SEC61B: variants seen among roughly 807,000 people sequenced by gnomAD.
SEC61B encodes SEC61 translocon subunit beta.
SEC61B carries 7 observed loss-of-function variants against 12.6 expected under a neutral mutation model. The ratio of observed to expected loss-of-function variants is 0.55; its 90% confidence interval spans 0.32 to 1.04. The LOEUF (loss-of-function observed/expected upper bound fraction) is 1.04, where lower values mean the gene tolerates loss of function less well. Ranked by LOEUF, SEC61B falls within the 50% of genes least tolerant of loss-of-function variation. The pLI, the probability that SEC61B is intolerant of heterozygous loss-of-function variation, is 0.05. For missense variants in SEC61B, 107 were observed against 130.1 expected (o/e 0.82, Z 0.86); for synonymous variants, 54 against 50.1 (o/e 1.08, Z -0.33).
chr9:99,230,426 T>A lies in SEC61B; in HGVS notation c.*2T>A. ...TGGGGCAAGTACACTCGTTCGTAGA[T>A]TCAGTTACATCCATCTGTCATCTGA... On this transcript the variant is annotated 3_prime_UTR_variant, in exon 4 of 4. Coordinates refer to ENST00000223641, the MANE Select transcript of SEC61B (RefSeq NM_006808.3). 6.3e-7 allele frequency: 1 copy of A among 1,585,580 alleles called. No individual in the cohort carries two copies. The highest frequency in any genetic ancestry group is 1.1e-5 in the South Asian group (1 of 89,642).
chr9:99,222,408 C>T (rs370460307), intron 1 of SEC61B, 42 bp downstream of exon 1: 81 of 1,613,940 alleles, frequency 5.0e-5, no homozygotes, highest in Middle Eastern at 1.7e-4. Context: ...CCCAGAAGCC[C>T]TGACTCCTCC....
chr9:99,226,834 A>T (rs1828902443), intron 2 of SEC61B, among the ~76,000 whole-genome samples: 1 of 152,182 alleles, frequency 6.6e-6, no homozygotes, highest in African/African-American at 2.4e-5. Context: ...TCTGTCTGCC[A>T]GGGCTGCGTG....
intron 1 of SEC61B, 27 bp from the exon 2 acceptor site, chr9:99,222,519 C>T (rs757666499): frequency 1.9e-6 from 3 of 1,601,152 alleles, no homozygotes; most frequent in East Asian, 2.2e-5. Context: ...CGCGCTCACC[C>T]GTCTGTCTGC....
At position 99,228,012 on chromosome 9, in the gene SEC61B, G is replaced by A. The variant is rs1165165305; in HGVS notation, c.203+12G>A. The A allele has an allele frequency of 5.6e-6, 9 of 1,601,320 alleles. No individual in the cohort carries two copies. In the African/African-American group the frequency reaches 1.1e-4, roughly 19 times the overall value. ...CCTGGGCTCAAAGTGTAAGTCTTAG[G>A]AACAGTCCTTGTGTTTCTGTCCAGT... On this transcript the variant is annotated intron_variant, in intron 3 of 3. Coordinates refer to ENST00000223641, the MANE Select transcript of SEC61B (RefSeq NM_006808.3).
At chr9:99,227,843 A>G (rs1828916927) in intron 2 of SEC61B, 56 bp from the exon 3 acceptor site, 1 of 1,253,018 alleles carries the variant, frequency 8.0e-7, no homozygotes, top group Non-Finnish European at 1.2e-6. Flanking sequence ...ATATGTTATA[A>G]TGCTATTCTA....
chr9:99,230,321 C>T lies in SEC61B; in HGVS notation c.204-16C>T. 1.3e-6 allele frequency: 2 copies of T among 1,528,344 alleles called. No individual in the cohort carries two copies. Among genetic ancestry groups the T allele is most frequent in the Non-Finnish European group, 1.8e-6 (2 of 1,109,800 alleles). The allele number at this position is 1,528,344 out of a possible 1,614,324, so 94.7% of individuals were successfully genotyped here. ...TTATTACTAAAAGTAAGCATGCTTT[C>T]TCTTCTTATTTCTAGTGGCCCTGTT... On this transcript the variant is annotated splice_polypyrimidine_tract_variant and intron_variant, in intron 3 of 3. Coordinates refer to ENST00000223641, the MANE Select transcript of SEC61B (RefSeq NM_006808.3).
chr9:99,223,332 C>CAAA (rs530132509), intron 2 of SEC61B, among the ~76,000 whole-genome samples: 3 of 128,972 alleles, frequency 2.3e-5, no homozygotes, highest in East Asian at 2.1e-4. Flanking sequence ...AACAAACAAA[C>CAAA]AAAAAAAAAA....
In SEC61B at chr9:99,230,261, T is replaced by C. The variant is rs532292752; in HGVS notation, c.204-76T>C. On this transcript the variant is annotated intron_variant, in intron 3 of 3. Transcript: ENST00000223641. ...GCCCACCTTACCTCTACTTTTCCCCTAGGCAATCTTTAGTATTGCAGATCT... is the reference window on the plus strand; with the variant it reads ...GCCCACCTTACCTCTACTTTTCCCCCAGGCAATCTTTAGTATTGCAGATCT... 5.7e-6 allele frequency: 5 copies of C among 883,612 alleles called. No homozygotes were observed. The South Asian group carries it at 8.3e-5, about 15-fold the overall frequency. The allele number at this position is 883,612 out of a possible 1,614,324, so 54.7% of individuals were successfully genotyped here.
At chr9:99,228,925 T>C (rs1484151956) in intron 3 of SEC61B, among the ~76,000 whole-genome samples, 6 of 152,148 alleles carry the variant, frequency 3.9e-5, no homozygotes, top group African/African-American at 2.4e-5. Flanking sequence ...TCTTTGCATA[T>C]TGTCCATCTA....
In SEC61B at chr9:99,227,713, C is replaced by T. The variant is rs554043503; in HGVS notation, c.102-186C>T. ...TCAGGGTTATTGTATGCATTGGCAT[C>T]AGGTAGGCACTTAGTTCATTGTGGT... On this transcript the variant is annotated intron_variant, in intron 2 of 3. Coordinates refer to ENST00000223641, the MANE Select transcript of SEC61B (RefSeq NM_006808.3). Among the ~76,000 whole-genome samples, 7 of 152,154 alleles carry T rather than the reference C, an allele frequency of 4.6e-5. No individual in the cohort carries two copies. The South Asian group carries it at 6.2e-4, about 14-fold the overall frequency.
intron 2 of SEC61B, among the ~76,000 whole-genome samples, chr9:99,223,982 A>G (rs1296368286): frequency 6.6e-6 from 1 of 152,182 alleles, no homozygotes; most frequent in Non-Finnish European, 1.5e-5. Flanking sequence ...AGTCATTTCT[A>G]TCCCAGGTAC....
intron 3 of SEC61B, among the ~76,000 whole-genome samples, chr9:99,229,981 G>C (rs1162540853): frequency 2.6e-5 from 4 of 151,910 alleles, no homozygotes; most frequent in Non-Finnish European, 5.9e-5. Flanking sequence ...TTTGGTAATG[G>C]GTTCATTTGC....
chr9:99,222,350 C>G lies in SEC61B; in HGVS notation c.-14C>G, dbSNP rs574777851. On this transcript the variant is annotated 5_prime_UTR_variant, in exon 1 of 4. Transcript: ENST00000223641. ...ATCCGTCCGCGTCAGCGCCTTGCCA[C>G]CCTCATCTCCAATATGGTATGGCGG... The G allele has an allele frequency of 6.2e-7, 1 of 1,614,050 alleles. No homozygotes were observed. The highest frequency in any genetic ancestry group is 2.2e-5 in the East Asian group (1 of 44,892).
chr9:99,222,780 G>A lies in SEC61B; in HGVS notation c.101+137G>A, dbSNP rs548626290. 1.9e-5 allele frequency: 12 copies of A among 627,178 alleles called. No homozygotes were observed. In the East Asian group the frequency reaches 3.5e-4, roughly 18 times the overall value. 38.9% of individuals were successfully genotyped at this position (627,178 alleles called of 1,614,324 possible). On this transcript the variant is annotated intron_variant, in intron 2 of 3. Coordinates refer to ENST00000223641, the MANE Select transcript of SEC61B (RefSeq NM_006808.3). ...TTCTAGTGACGTGGCCGTGGGAGTA[G>A]TTAAAGGCCTTTTGGGAGGAAGGCG...
chr9:99,228,136 A>C, intron 3 of SEC61B, 136 bp downstream of exon 3: 1 of 646,846 alleles, frequency 1.5e-6, no homozygotes. Flanking sequence ...TGCCAGGCGG[A>C]CTGGGTTTGG....
chr9:99,222,288 G>C lies in SEC61B; in HGVS notation c.-76G>C. 1 of 1,610,340 alleles carries C rather than the reference G, an allele frequency of 6.2e-7. No homozygotes were observed. Among genetic ancestry groups the C allele is most frequent in the Non-Finnish European group, 8.5e-7 (1 of 1,176,854 alleles). On this transcript the variant is annotated 5_prime_UTR_variant, in exon 1 of 4. Coordinates refer to ENST00000223641, the MANE Select transcript of SEC61B (RefSeq NM_006808.3). ...CGGGGGCGGGGCCTGAGTCAGTCTC[G>C]CCAGCTGCCGGTCTTTCGGGGGCTC... is the stretch of plus-strand genomic sequence containing the variant.
chr9:99,226,788 C>T (rs1828901778), intron 2 of SEC61B, among the ~76,000 whole-genome samples: 2 of 152,118 alleles, frequency 1.3e-5, no homozygotes, highest in Non-Finnish European at 2.9e-5. Context: ...TGGGCCTATT[C>T]CTTGGCAGCA....
intron 2 of SEC61B, among the ~76,000 whole-genome samples, chr9:99,226,275 C>T (rs967342361): frequency 1.3e-5 from 2 of 152,182 alleles, no homozygotes; most frequent in South Asian, 2.1e-4. Flanking sequence ...TCTCCCACTC[C>T]GTCATGTAGC....
chr9:99,230,090 T>G (rs1039690876), intron 3 of SEC61B, among the ~76,000 whole-genome samples: 2 of 152,236 alleles, frequency 1.3e-5, no homozygotes, highest in African/African-American at 2.4e-5. Flanking sequence ...GTATATGTTT[T>G]GGTATGTTTT....
Sources: gnomAD v4.1 joint callset for allele counts (sites outside exome capture counted in the v4.1 genomes callset) on GRCh38, gnomAD v4.1.1 for gene constraint, MANE v1.5 for transcripts, NCBI Gene and HGNC (gene_info 2026-07-23, HGNC 2026-07-21) for gene names.